NAA11: variants seen among roughly 807,000 people sequenced by gnomAD.
NAA11 encodes N-alpha-acetyltransferase 11, NatA catalytic subunit, also known as N-alpha-acetyltransferase 11.
NAA11 carries 15 observed loss-of-function variants against 16.1 expected under a neutral mutation model. The observed-to-expected ratio is 0.93, with a 90% CI of 0.62 to 1.44. The LOEUF (loss-of-function observed/expected upper bound fraction) is 1.44, where lower values mean the gene tolerates loss of function less well. Among genes scored for constraint, NAA11 ranks in the 40% most tolerant of loss-of-function variants. The pLI, the probability that NAA11 is intolerant of heterozygous loss-of-function variation, is 0.00. For synonymous variants in NAA11, 122 were observed against 112.4 expected (o/e 1.09, Z -0.54); for missense variants, 298 against 291.3 (o/e 1.02, Z -0.17).
At position 79,325,684 on chromosome 4, in the gene NAA11, T is replaced by C; in HGVS notation, c.194A>G (p.Asp65Gly). 1.9e-6 allele frequency: 3 copies of C among 1,614,098 alleles called. No individual in the cohort carries two copies. Among genetic ancestry groups the C allele is most frequent in the Non-Finnish European group, 2.5e-6 (3 of 1,179,992 alleles). The change falls in exon 1 of 2, where the codon GAT becomes GGT. Residue 65 changes from aspartate (D) to glycine (G), a missense_variant. Asp to Gly is a moderately conservative substitution (Grantham distance 94, BLOSUM62 -1). Coordinates refer to ENST00000286794, the MANE Select transcript of NAA11 (RefSeq NM_032693.3). Reference sequence around the variant, plus strand: ...GGTGATATGGCCATGCGGGACATCATCTGGTTCCTCCTCCATTTTGGCCAG... The same window carrying C: ...GGTGATATGGCCATGCGGGACATCACCTGGTTCCTCCTCCATTTTGGCCAG... ...YVLAKMEEEP[D>G]DVPHGHITSL...
In NAA11 at chr4:79,283,927, T is replaced by TTCCTTA. The variant is rs1722852628; in HGVS notation, c.*122+10077_*122+10078insTAAGGA. ...ATTGGAATTATATTTTTTCCTTACC[T>TTCCTTA]ATCCATCCCTATTACCTGCCACAGA... is the stretch of plus-strand genomic sequence containing the variant. On this transcript the variant is annotated intron_variant and NMD_transcript_variant, in intron 2 of 2. Coordinates refer to the NAA11 transcript ENST00000511542. Among the ~76,000 whole-genome samples, 4 of 152,126 alleles carry TTCCTTA rather than the reference T, an allele frequency of 2.6e-5. No individual in the cohort carries two copies. The South Asian group carries it at 8.3e-4, about 32-fold the overall frequency.
chr4:79,250,000 G>A (rs550789421), intron 2 of NAA11, among the ~76,000 whole-genome samples: 31 of 152,322 alleles, frequency 2.0e-4, no homozygotes, highest in Admixed American at 5.9e-4. Context: ...GGAAAAGTAG[G>A]GTGTGGCTAT....
the NAA11 span, among the ~76,000 whole-genome samples, chr4:79,161,443 A>T: frequency 4.6e-5 from 7 of 152,186 alleles, no homozygotes; most frequent in South Asian, 1.4e-3. Flanking sequence ...GAAATTTTGA[A>T]GTCAGAAAGT....
At chr4:79,309,294 A>G (rs1402969333) in intron 1 of NAA11, among the ~76,000 whole-genome samples, 2 of 130,110 alleles carry the variant, frequency 1.5e-5, no homozygotes, top group East Asian at 5.4e-4. Flanking sequence ...ATGGACTAAA[A>G]TAATACTTCA....
At chr4:79,243,025 T>C (rs1343222210) in intron 2 of NAA11, among the ~76,000 whole-genome samples, 1 of 152,204 alleles carries the variant, frequency 6.6e-6, no homozygotes, top group Non-Finnish European at 1.5e-5. Context: ...GAACTAACCC[T>C]GGAGGTTAAA....
intron 2 of NAA11, among the ~76,000 whole-genome samples, chr4:79,285,233 T>C (rs1722881380): frequency 6.6e-6 from 1 of 152,128 alleles, no homozygotes; most frequent in African/African-American, 2.4e-5. Context: ...TGAAGTGACA[T>C]GTTAACTGTT....
At chr4:79,196,955 CAAAAAAAAAAAAAAAAAA>C in the NAA11 span, among the ~76,000 whole-genome samples, 1 of 86,168 alleles carries the variant, frequency 1.2e-5, no homozygotes, top group Non-Finnish European at 2.1e-5. Flanking sequence ...ATGAAAAAGA[CAAAAAAAAAAAAAAAAAA>C]AAAAAAAAAG....
At chr4:79,242,396 A>G (rs1721719339) in intron 2 of NAA11, among the ~76,000 whole-genome samples, 1 of 152,136 alleles carries the variant, frequency 6.6e-6, no homozygotes, top group Non-Finnish European at 1.5e-5. Flanking sequence ...TGTACTATGG[A>G]GGGGCATTTC....
chr4:79,172,383 ATTAAC>A, the NAA11 span, among the ~76,000 whole-genome samples: 1 of 152,154 alleles, frequency 6.6e-6, no homozygotes, highest in South Asian at 2.1e-4. Flanking sequence ...GAAACTACTT[ATTAAC>A]TTTTTTTCCA....
chr4:79,160,241 C>T, the NAA11 span, among the ~76,000 whole-genome samples: 3 of 152,190 alleles, frequency 2.0e-5, no homozygotes, highest in South Asian at 2.1e-4. Context: ...ATCCAGCCGC[C>T]TCGGCCTCCC....
chr4:79,203,994 T>G, the NAA11 span, among the ~76,000 whole-genome samples: 1 of 151,860 alleles, frequency 6.6e-6, no homozygotes, highest in African/African-American at 2.4e-5. Context: ...TGGGCATAAA[T>G]TAAAATAATA....
intron 2 of NAA11, chr4:79,258,992 T>C (rs1722189685): frequency 5.0e-6 from 1 of 201,524 alleles, no homozygotes; most frequent in Non-Finnish European, 1.0e-5. Context: ...GGCCTCCTCT[T>C]TGATGAGAGC....
At chr4:79,300,626 A>T (rs1723357960) in intron 1 of NAA11, among the ~76,000 whole-genome samples, 1 of 152,248 alleles carries the variant, frequency 6.6e-6, no homozygotes, top group African/African-American at 2.4e-5. Context: ...AAGTACATAA[A>T]TTAATCTGAT....
chr4:79,274,795 A>G (rs1199384054), intron 2 of NAA11, among the ~76,000 whole-genome samples: 1 of 152,136 alleles, frequency 6.6e-6, no homozygotes, highest in Non-Finnish European at 1.5e-5. Context: ...AGCTCTGGAT[A>G]TAGTCTCGAG....
At chr4:79,186,436 T>C in the NAA11 span, among the ~76,000 whole-genome samples, 3 of 152,210 alleles carry the variant, frequency 2.0e-5, no homozygotes, top group Non-Finnish European at 2.9e-5. Context: ...ACTTCTTTTC[T>C]ATTGAACAAT....
At chr4:79,282,422 T>A (rs1205859350) in intron 2 of NAA11, among the ~76,000 whole-genome samples, 2 of 151,986 alleles carry the variant, frequency 1.3e-5, no homozygotes, top group African/African-American at 2.4e-5. Flanking sequence ...TAGGAGACAA[T>A]AGAAGAAGTC....
intron 2 of NAA11, among the ~76,000 whole-genome samples, chr4:79,232,002 T>A (rs1218927420): frequency 6.6e-6 from 1 of 151,882 alleles, no homozygotes; most frequent in East Asian, 1.9e-4. Context: ...AATTTATTAA[T>A]TTTTAAGATT....
chr4:79,303,076 T>TTATATATATATA lies in NAA11; in HGVS notation c.*13-8974_*13-8963dup, dbSNP rs59261096. On this transcript the variant is annotated intron_variant and NMD_transcript_variant, in intron 1 of 2. Transcript: ENST00000511542. The stretch of plus-strand genomic sequence containing the variant: ...TTCATTCCTGTTCTCTTGAGGCCTT[T>TTATATATATATA]TATATATATATATATATATATATAT... 3.9e-3 allele frequency among the ~76,000 whole-genome samples: 263 copies of TTATATATATATA among 67,484 alleles called. 14 individuals are homozygous for TTATATATATATA. Among genetic ancestry groups the TTATATATATATA allele is most frequent in the Non-Finnish European group, 5.6e-3 (197 of 35,050 alleles). 44.3% of individuals were successfully genotyped at this position (67,484 alleles called of 152,430 possible). A position where few individuals can be genotyped will look rare whatever the true frequency, so the allele number is the denominator to read the frequency against.
intron 2 of NAA11, among the ~76,000 whole-genome samples, chr4:79,261,880 T>C (rs1406457890): frequency 6.6e-6 from 1 of 152,200 alleles, no homozygotes; most frequent in Non-Finnish European, 1.5e-5. Flanking sequence ...GTTGACTAAA[T>C]GTTAGCACAT....
Sources: gnomAD v4.1 joint callset for allele counts (sites outside exome capture counted in the v4.1 genomes callset) on GRCh38, gnomAD v4.1.1 for gene constraint, MANE v1.5 for transcripts, NCBI Gene and HGNC (gene_info 2026-07-23, HGNC 2026-07-21) for gene names.